Variants in RNLS observed in about 807,000 individuals in gnomAD.
The protein encoded by RNLS is renalase.
A neutral mutation model predicts 39.8 loss-of-function variants in RNLS; 39 were observed. The observed-to-expected ratio is 0.98, with a 90% CI of 0.76 to 1.28. The LOEUF is 1.28. RNLS is among the 50% of genes most tolerant of loss of function. RNLS has a pLI of 0.00. For synonymous variants in RNLS, 147 were observed against 150.7 expected (o/e 0.98, Z 0.18); for missense variants, 410 against 413.3 (o/e 0.99, Z 0.07).
At chr10:88,213,599 G>C in the RNLS span, among the ~76,000 whole-genome samples, 1 of 152,036 alleles carries the variant, frequency 6.6e-6, no homozygotes, top group Non-Finnish European at 1.5e-5. Flanking sequence ...GTTCCTGCCA[G>C]AGCCGCCATC....
At chr10:88,445,780 T>C (rs965052645) in intron 4 of RNLS, among the ~76,000 whole-genome samples, 1 of 152,186 alleles carries the variant, frequency 6.6e-6, no homozygotes, top group Non-Finnish European at 1.5e-5. Context: ...TAAATATACA[T>C]GCACCCAATA....
At chr10:88,299,611 C>T (rs1012775439) in intron 6 of RNLS, among the ~76,000 whole-genome samples, 12 of 152,116 alleles carry the variant, frequency 7.9e-5, no homozygotes, top group African/African-American at 2.9e-4. Flanking sequence ...CGCAATAGAG[C>T]AAGACTCCAT....
intron 4 of RNLS, among the ~76,000 whole-genome samples, chr10:88,532,792 A>G (rs1455022063): frequency 6.6e-6 from 1 of 152,076 alleles, no homozygotes; most frequent in Non-Finnish European, 1.5e-5. Context: ...GCCCATTTAC[A>G]TAAAGGCAAT....
intron 4 of RNLS, among the ~76,000 whole-genome samples, chr10:88,555,284 T>C (rs919718470): frequency 2.0e-5 from 3 of 152,094 alleles, no homozygotes; most frequent in Admixed American, 6.6e-5. Context: ...CAAACTGCTA[T>C]TGTCAATGTC....
intron 6 of RNLS, among the ~76,000 whole-genome samples, chr10:88,311,812 A>G (rs1195895923): frequency 1.3e-5 from 2 of 152,216 alleles, no homozygotes; most frequent in African/African-American, 4.8e-5. Context: ...CACTGTTGCA[A>G]TTGTGGATAT....
chr10:88,375,139 T>G (rs1850876792), intron 4 of RNLS, among the ~76,000 whole-genome samples: 1 of 152,060 alleles, frequency 6.6e-6, no homozygotes, highest in Non-Finnish European at 1.5e-5. Context: ...TATCTTCTCT[T>G]CCCTTTCTCT....
chr10:88,552,232 A>C (rs895500552), intron 4 of RNLS, among the ~76,000 whole-genome samples: 2 of 152,200 alleles, frequency 1.3e-5, no homozygotes, highest in African/African-American at 4.8e-5. Flanking sequence ...AGAACTGGTA[A>C]GAAAGGCAGA....
At chr10:88,189,790 T>A in the RNLS span, among the ~76,000 whole-genome samples, 3 of 152,230 alleles carry the variant, frequency 2.0e-5, no homozygotes, top group Non-Finnish European at 4.4e-5. Context: ...TGACCAGGCA[T>A]GCAATGCAGC....
At chr10:88,228,490 C>T in the RNLS span, among the ~76,000 whole-genome samples, 85 of 152,286 alleles carry the variant, frequency 5.6e-4, no homozygotes, top group Non-Finnish European at 1.1e-3. Flanking sequence ...AGTGCAAGGA[C>T]GCTGGGAAGT....
intron 4 of RNLS, among the ~76,000 whole-genome samples, chr10:88,432,796 A>G (rs547647272): frequency 6.6e-6 from 1 of 152,052 alleles, no homozygotes; most frequent in East Asian, 1.9e-4. Flanking sequence ...AAACCTCAAG[A>G]TGAAATGAAT....
At chr10:88,367,242 C>T (rs1480547986) in intron 4 of RNLS, among the ~76,000 whole-genome samples, 1 of 152,066 alleles carries the variant, frequency 6.6e-6, no homozygotes, top group Non-Finnish European at 1.5e-5. Context: ...GCACTCTCTT[C>T]CTGCTGCAGG....
intron 4 of RNLS, among the ~76,000 whole-genome samples, chr10:88,405,563 C>A (rs528702802): frequency 8.5e-5 from 13 of 152,126 alleles, no homozygotes; most frequent in African/African-American, 3.1e-4. Flanking sequence ...CTTTTTCCAA[C>A]CCTTTACTTA....
the RNLS span, among the ~76,000 whole-genome samples, chr10:88,206,235 T>G: frequency 6.6e-6 from 1 of 152,232 alleles, no homozygotes; most frequent in Non-Finnish European, 1.5e-5. Context: ...ACTCTGCATT[T>G]TAGTGGTGTC....
intron 4 of RNLS, among the ~76,000 whole-genome samples, chr10:88,547,155 T>G (rs1848358776): frequency 6.6e-6 from 1 of 152,248 alleles, no homozygotes; most frequent in Admixed American, 6.5e-5. Flanking sequence ...TTCAGAGATG[T>G]CAGGTTCTGA....
intron 4 of RNLS, among the ~76,000 whole-genome samples, chr10:88,474,981 T>A (rs1021307365): frequency 1.3e-5 from 2 of 151,042 alleles, no homozygotes; most frequent in East Asian, 1.9e-4. Flanking sequence ...AGTAGTCAGC[T>A]CCCCCCGGCA....
downstream of RNLS, among the ~76,000 whole-genome samples, chr10:88,282,990 T>A (rs973197345): frequency 5.9e-5 from 9 of 152,142 alleles, no homozygotes; most frequent in African/African-American, 2.2e-4. Context: ...TAATAAAAGT[T>A]CTTGTTTGGA....
At chr10:88,207,150 C>A in the RNLS span, among the ~76,000 whole-genome samples, 1 of 152,084 alleles carries the variant, frequency 6.6e-6, no homozygotes, top group Non-Finnish European at 1.5e-5. Context: ...ACATCAAAAT[C>A]ATGATCCGTG....
At chr10:88,573,356 C>T (rs1849969533) in intron 3 of RNLS, among the ~76,000 whole-genome samples, 1 of 152,094 alleles carries the variant, frequency 6.6e-6, no homozygotes. Flanking sequence ...TACTATATGC[C>T]AGCTGCTTGG....
intron 4 of RNLS, among the ~76,000 whole-genome samples, chr10:88,435,943 G>A (rs1030522766): frequency 6.6e-6 from 1 of 151,980 alleles, no homozygotes; most frequent in East Asian, 1.9e-4. Context: ...TAAAATGAAA[G>A]GGTATCAATG....
Sources: gnomAD v4.1 joint callset for allele counts (sites outside exome capture counted in the v4.1 genomes callset) on GRCh38, gnomAD v4.1.1 for gene constraint, MANE v1.5 for transcripts, NCBI Gene and HGNC (gene_info 2026-07-23, HGNC 2026-07-21) for gene names.